The following NBAS variants were observed in gnomAD, a reference collection of about 807,000 sequenced individuals.
NBAS encodes NAG/BC035112 fusion.
A neutral mutation model predicts 302.5 loss-of-function variants in NBAS; 219 were observed. The observed-to-expected ratio is 0.72, with a 90% CI of 0.65 to 0.81. The LOEUF is 0.81. Among genes scored for constraint, NBAS ranks in the 30% least tolerant of loss-of-function variants. NBAS has a pLI of 0.00. For missense variants in NBAS, 2,932 were observed against 2,841.6 expected (o/e 1.03, Z -0.72); for synonymous variants, 1,118 against 1,021.6 (o/e 1.09, Z -1.80).
chr2:15,332,276 A>G (rs1423513680), intron 35 of NBAS, among the ~76,000 whole-genome samples: 3 of 152,224 alleles, frequency 2.0e-5, no homozygotes, highest in Non-Finnish European at 4.4e-5. Flanking sequence ...GGCTCTAAGA[A>G]GAGATTCAAC....
chr2:15,377,866 T>C (rs1674822656), intron 30 of NBAS, among the ~76,000 whole-genome samples: 1 of 152,214 alleles, frequency 6.6e-6, no homozygotes, highest in Non-Finnish European at 1.5e-5. Flanking sequence ...AGGTATAACA[T>C]GCAAAATAGT....
the NBAS span, among the ~76,000 whole-genome samples, chr2:14,926,032 T>A: frequency 6.6e-6 from 1 of 152,168 alleles, no homozygotes; most frequent in Admixed American, 6.6e-5. Flanking sequence ...ACACCTCTGG[T>A]GGAAAGGATA....
chr2:15,518,708 C>T (rs1412200446), intron 9 of NBAS, among the ~76,000 whole-genome samples: 1 of 152,068 alleles, frequency 6.6e-6, no homozygotes, highest in Non-Finnish European at 1.5e-5. Context: ...TAAAGACATG[C>T]CCGAGACTTG....
the NBAS span, among the ~76,000 whole-genome samples, chr2:15,090,902 T>C: frequency 6.6e-6 from 1 of 152,262 alleles, no homozygotes; most frequent in East Asian, 1.9e-4. Flanking sequence ...AGAGAATGCT[T>C]AGGTTGACAT....
intron 21 of NBAS, among the ~76,000 whole-genome samples, chr2:15,444,250 A>G (rs1678602915): frequency 6.6e-6 from 1 of 152,138 alleles, no homozygotes; most frequent in African/African-American, 2.4e-5. Flanking sequence ...CTGACTTCAA[A>G]CTATACTACA....
the NBAS span, among the ~76,000 whole-genome samples, chr2:15,110,066 G>T: frequency 6.6e-6 from 1 of 152,048 alleles, no homozygotes; most frequent in Non-Finnish European, 1.5e-5. Flanking sequence ...ACTAGTAAAA[G>T]CTGTCAATGA....
intron 50 of NBAS, among the ~76,000 whole-genome samples, chr2:15,185,290 G>A (rs1665022880): frequency 6.6e-6 from 1 of 152,170 alleles, no homozygotes; most frequent in Non-Finnish European, 1.5e-5. Flanking sequence ...AAGAGTGTTA[G>A]CAAATGTTGG....
the NBAS span, among the ~76,000 whole-genome samples, chr2:15,077,693 T>C: frequency 1.3e-5 from 2 of 151,558 alleles, no homozygotes; most frequent in Non-Finnish European, 2.9e-5. Context: ...TTTTTTTCTT[T>C]TTTTTTTTGA....
chr2:15,279,180 G>A (rs553047264), intron 42 of NBAS, among the ~76,000 whole-genome samples: 31 of 152,240 alleles, frequency 2.0e-4, no homozygotes, highest in African/African-American at 7.0e-4. Context: ...AGAACAACAT[G>A]CCAAAAGGAG....
At chr2:14,914,041 A>C in the NBAS span, among the ~76,000 whole-genome samples, 2 of 152,230 alleles carry the variant, frequency 1.3e-5, no homozygotes, top group East Asian at 3.8e-4. Context: ...GGCACTTCTT[A>C]CATGGTAGCA....
the NBAS span, among the ~76,000 whole-genome samples, chr2:15,153,508 G>A: frequency 1.3e-5 from 2 of 152,242 alleles, no homozygotes; most frequent in African/African-American, 2.4e-5. Context: ...TTCTCTGAGA[G>A]TGAGCTCCCC....
the NBAS span, among the ~76,000 whole-genome samples, chr2:14,818,067 A>G: frequency 2.6e-5 from 4 of 151,928 alleles, no homozygotes; most frequent in African/African-American, 2.4e-5. Context: ...CTCTGTCACC[A>G]TGTTCCTGCA....
chr2:15,495,213 T>G (rs1230509578), intron 11 of NBAS, among the ~76,000 whole-genome samples: 1 of 152,210 alleles, frequency 6.6e-6, no homozygotes, highest in Non-Finnish European at 1.5e-5. Context: ...CTAACCGGCC[T>G]GCACCCACTT....
intron 44 of NBAS, among the ~76,000 whole-genome samples, chr2:15,269,693 T>C (rs1669230684): frequency 6.6e-6 from 1 of 152,192 alleles, no homozygotes; most frequent in Non-Finnish European, 1.5e-5. Flanking sequence ...CTCAGGGAAC[T>C]GAAACTTCTA....
intron 21 of NBAS, 65 bp downstream of exon 21, chr2:15,461,136 T>C: frequency 7.0e-7 from 1 of 1,426,134 alleles, no homozygotes; most frequent in South Asian, 1.2e-5. Flanking sequence ...TTTAAGGTGT[T>C]CAGCATGACA....
At chr2:14,791,137 G>A in the NBAS span, among the ~76,000 whole-genome samples, 2 of 152,080 alleles carry the variant, frequency 1.3e-5, no homozygotes, top group Admixed American at 1.3e-4. Flanking sequence ...TTACAGGTGT[G>A]AGCCACCACG....
the NBAS span, among the ~76,000 whole-genome samples, chr2:15,017,237 G>T: frequency 1.3e-5 from 2 of 151,896 alleles, no homozygotes; most frequent in Non-Finnish European, 2.9e-5. Flanking sequence ...GAGGAAATAC[G>T]TCAGGACATG....
chr2:15,275,332 A>G (rs994715307), intron 44 of NBAS, 152 bp downstream of exon 44: 3 of 845,198 alleles, frequency 3.5e-6, no homozygotes, highest in Non-Finnish European at 5.4e-6. Flanking sequence ...TAATTAAAAC[A>G]CCTCATTCAC....
the NBAS span, among the ~76,000 whole-genome samples, chr2:14,919,686 T>C: frequency 6.6e-6 from 1 of 152,218 alleles, no homozygotes; most frequent in Non-Finnish European, 1.5e-5. Flanking sequence ...ACAATCTTCA[T>C]AGCATCCTGA....
Sources: gnomAD v4.1 joint callset for allele counts (sites outside exome capture counted in the v4.1 genomes callset) on GRCh38, gnomAD v4.1.1 for gene constraint, MANE v1.5 for transcripts, NCBI Gene and HGNC (gene_info 2026-07-23, HGNC 2026-07-21) for gene names.